LRRC37A2: variants seen among roughly 807,000 people sequenced by gnomAD.
LRRC37A2 encodes leucine-rich repeat-containing protein 37A2.
A neutral mutation model predicts 68.8 loss-of-function variants in LRRC37A2; 9 were observed. That is an observed-to-expected ratio of 0.13 (90% CI 0.08 to 0.23). The LOEUF (loss-of-function observed/expected upper bound fraction) is 0.23. LRRC37A2 is among the 10% of genes least tolerant of loss of function. The pLI is 1.00. For synonymous variants in LRRC37A2, 63 were observed against 367.6 expected, an observed-to-expected ratio of 0.17 and a Z score of 9.48; for missense variants, 168 against 950.4, an observed-to-expected ratio of 0.18 and a Z score of 10.82.
the LRRC37A2 span, among the ~76,000 whole-genome samples, chr17:46,766,610 G>C: frequency 6.6e-6 from 1 of 152,076 alleles, no homozygotes; most frequent in Admixed American, 6.5e-5. Context: ...TCCCCACCAG[G>C]ACAGAACTTG....
the LRRC37A2 span, chr17:46,768,272 C>A: frequency 1.1e-5 from 18 of 1,611,386 alleles, no homozygotes; most frequent in Non-Finnish European, 1.5e-5. The surrounding 1 kb of genome is among the most constrained non-coding windows in gnomAD (Gnocchi z 5.0). Flanking sequence ...ATTCCCTGCG[C>A]CCAGGCTCCC....
chr17:46,855,225 G>C, the LRRC37A2 span, among the ~76,000 whole-genome samples: 76 of 152,334 alleles, frequency 5.0e-4, no homozygotes, highest in East Asian at 7.9e-3. Context: ...GAGGCCGAAG[G>C]GGGTGAGGGT....
chr17:46,966,143 C>T, the LRRC37A2 span, among the ~76,000 whole-genome samples: 3 of 152,154 alleles, frequency 2.0e-5, no homozygotes, highest in South Asian at 4.1e-4. Context: ...AGTACTATTT[C>T]GTGATTGAGG....
chr17:46,826,511 T>C, the LRRC37A2 span, among the ~76,000 whole-genome samples: 809 of 152,354 alleles, frequency 5.3e-3, 11 homozygotes, highest in African/African-American at 0.019. Flanking sequence ...CATGTCTGAC[T>C]GGGAAATCCT....
At chr17:46,980,935 G>T in the LRRC37A2 span, among the ~76,000 whole-genome samples, 1 of 152,196 alleles carries the variant, frequency 6.6e-6, no homozygotes, top group Non-Finnish European at 1.5e-5. Flanking sequence ...ATCATGCCCT[G>T]TGGGGAAAGG....
At chr17:46,950,133 T>C in the LRRC37A2 span, among the ~76,000 whole-genome samples, 1 of 152,356 alleles carries the variant, frequency 6.6e-6, no homozygotes, top group East Asian at 1.9e-4. Context: ...TGAGATTCTC[T>C]TTCTCAGTTG....
At chr17:46,552,743 T>C (rs1445634453) in intron 11 of LRRC37A2, 1 of 89,478 alleles carries the variant, frequency 1.1e-5, no homozygotes, top group Non-Finnish European at 2.6e-5. Flanking sequence ...GAAAGTACAA[T>C]ATAACAACTG....
the LRRC37A2 span, among the ~76,000 whole-genome samples, chr17:46,805,917 G>T: frequency 2.8e-4 from 42 of 152,336 alleles, no homozygotes; most frequent in East Asian, 6.9e-3. Context: ...CTCTTGTTTA[G>T]AGCTCTGGGG....
the LRRC37A2 span, among the ~76,000 whole-genome samples, chr17:46,798,853 T>G: frequency 6.6e-6 from 1 of 151,960 alleles, no homozygotes; most frequent in Admixed American, 6.6e-5. Context: ...ATCGAGACCA[T>G]CCTGGCTAAC....
At chr17:46,458,462 C>CA in the LRRC37A2 span, among the ~76,000 whole-genome samples, 2 of 80,936 alleles carry the variant, frequency 2.5e-5, no homozygotes, top group Non-Finnish European at 5.5e-5. Context: ...GGGAAATTAA[C>CA]AAAAAATATT....
the LRRC37A2 span, among the ~76,000 whole-genome samples, chr17:46,914,239 G>A: frequency 9.9e-5 from 15 of 152,172 alleles, no homozygotes; most frequent in African/African-American, 2.7e-4. Flanking sequence ...GCACAGGTGG[G>A]ACACAATAGC....
the LRRC37A2 span, among the ~76,000 whole-genome samples, chr17:46,927,608 G>A: frequency 3.9e-5 from 6 of 152,274 alleles, no homozygotes; most frequent in East Asian, 5.8e-4. Flanking sequence ...GTAACAAACC[G>A]GAGCTGTTGG....
the LRRC37A2 span, among the ~76,000 whole-genome samples, chr17:46,810,201 T>C: frequency 1.3e-5 from 2 of 151,962 alleles, no homozygotes; most frequent in Non-Finnish European, 2.9e-5. Context: ...AGAGACAGGG[T>C]TTCACCATGT....
chr17:46,943,138 C>T, the LRRC37A2 span, among the ~76,000 whole-genome samples: 1 of 152,174 alleles, frequency 6.6e-6, no homozygotes, highest in East Asian at 1.9e-4. Context: ...AACATCAACC[C>T]AAGGCTAGCC....
the LRRC37A2 span, chr17:46,876,777 C>A: frequency 6.8e-7 from 1 of 1,480,950 alleles, no homozygotes; most frequent in Non-Finnish European, 9.0e-7. Context: ...ACCCTTCAAG[C>A]TGCCCAGCCG....
chr17:46,795,687 T>TC, the LRRC37A2 span, among the ~76,000 whole-genome samples: 1 of 152,200 alleles, frequency 6.6e-6, no homozygotes, highest in Non-Finnish European at 1.5e-5. Flanking sequence ...ACCCTGCTGT[T>TC]CTGCGGCACT....
At chr17:46,776,773 G>T in the LRRC37A2 span, among the ~76,000 whole-genome samples, 1 of 152,000 alleles carries the variant, frequency 6.6e-6, no homozygotes, top group South Asian at 2.1e-4. Context: ...GGCTGTCCCC[G>T]CTCCTTCCTC....
chr17:46,891,243 T>C, the LRRC37A2 span, among the ~76,000 whole-genome samples: 3 of 152,186 alleles, frequency 2.0e-5, no homozygotes, highest in African/African-American at 7.2e-5. Context: ...CGCATTCCTG[T>C]TTACAAAGTG....
chr17:46,978,860 C>T, the LRRC37A2 span: 8 of 1,580,994 alleles, frequency 5.1e-6, no homozygotes, highest in South Asian at 3.4e-5. Context: ...GCGGGGACCC[C>T]GTCGCTGGCG....
Sources: allele counts gnomAD v4.1 joint callset (sites outside exome capture counted in the v4.1 genomes callset), GRCh38; gene constraint gnomAD v4.1.1; non-coding constraint Gnocchi (gnomAD v3.1); transcripts MANE v1.5; gene names NCBI Gene and HGNC (gene_info 2026-07-23, HGNC 2026-07-21).